RFWD3: variants seen among roughly 807,000 people sequenced by gnomAD.
The protein encoded by RFWD3 is ring finger and WD repeat domain 3.
In RFWD3, 65 loss-of-function variants were observed where a neutral mutation model predicts 87.7. The observed-to-expected ratio is 0.74, with a 90% CI of 0.61 to 0.91. The LOEUF is 0.91. Ranked by LOEUF, RFWD3 falls within the 40% of genes least tolerant of loss-of-function variation. The pLI is 0.00. For synonymous variants in RFWD3, 433 were observed against 352.8 expected, an observed-to-expected ratio of 1.23 and a Z score of -2.55; for missense variants, 1,078 against 938.5, an observed-to-expected ratio of 1.15 and a Z score of -1.94.
chr16:74,639,920 T>G (rs1177721196), intron 6 of RFWD3, among the ~76,000 whole-genome samples: 1 of 152,164 alleles, frequency 6.6e-6, no homozygotes, highest in African/African-American at 2.4e-5. Context: ...GAGAGAGAGA[T>G]GGAGACCACA....
intron 11 of RFWD3, among the ~76,000 whole-genome samples, chr16:74,626,840 T>G (rs917335082): frequency 6.6e-6 from 1 of 152,224 alleles, no homozygotes; most frequent in Non-Finnish European, 1.5e-5. Context: ...TCTGTTTTAG[T>G]AAAATCAGTC....
chr16:74,658,999 A>G (rs1431814560), intron 2 of RFWD3, among the ~76,000 whole-genome samples: 2 of 152,088 alleles, frequency 1.3e-5, no homozygotes, highest in Non-Finnish European at 2.9e-5. Context: ...GCCTAAAGGG[A>G]TCCGCCTGCC....
At chr16:74,653,399 T>A (rs1258494314) in intron 2 of RFWD3, among the ~76,000 whole-genome samples, 1 of 151,740 alleles carries the variant, frequency 6.6e-6, no homozygotes, top group Non-Finnish European at 1.5e-5. Flanking sequence ...GAGGATCACT[T>A]GAGCCCGAGA....
intron 4 of RFWD3, among the ~76,000 whole-genome samples, chr16:74,647,232 G>A (rs544283280): frequency 1.1e-4 from 16 of 152,184 alleles, no homozygotes; most frequent in African/African-American, 3.4e-4. Context: ...TTTGACATTG[G>A]AAGAATTCAC....
In RFWD3 at chr16:74,644,431, CT is replaced by C; in HGVS notation, c.1009del (p.Ser337ValfsTer11). On this transcript the variant is annotated frameshift_variant, in exon 6 of 13. Transcript: ENST00000361070. LOFTEE classifies it high-confidence loss of function. The stretch of plus-strand genomic sequence containing the variant: ...TCGGGCATAAAGGACGACAATGTCA[CT>C]GTGCCTGGCTTTCTTGTTGCACTAA... ...CPQCNKKARH[S>X]DIVVLYARTL... is the part of the protein sequence containing the mutation. The C allele has an allele frequency of 6.2e-7, 1 of 1,614,244 alleles. No individual in the cohort carries two copies. Among genetic ancestry groups the C allele is most frequent in the Non-Finnish European group, 8.5e-7 (1 of 1,180,044 alleles).
chr16:74,643,743 T>C (rs1686244760), intron 6 of RFWD3, among the ~76,000 whole-genome samples: 1 of 151,184 alleles, frequency 6.6e-6, no homozygotes, highest in African/African-American at 2.4e-5. Context: ...TGGTGCAATT[T>C]CGGCTCACTG....
rs1283740293 is a variant in RFWD3, at chr16:74,622,922, G to T, written c.*1006C>A. The T allele has an allele frequency of 2.0e-5, 3 of 152,198 alleles. No homozygotes were observed. The highest frequency in any genetic ancestry group is 2.9e-5 in the Non-Finnish European group (2 of 68,042). The allele number at this position is 152,198 out of a possible 1,614,324, so 9.4% of individuals were successfully genotyped here. A position where few individuals can be genotyped will look rare whatever the true frequency, so the allele number is the denominator to read the frequency against. ...GAACAGCCCCTCAGTCTGAGGAATT[G>T]GCTTTATTTAGATAGGAACTCTCAA... On this transcript the variant is annotated 3_prime_UTR_variant, in exon 13 of 13. Coordinates refer to ENST00000361070, the MANE Select transcript of RFWD3 (RefSeq NM_018124.4).
At chr16:74,648,748 C>A (rs1431643193) in intron 4 of RFWD3, among the ~76,000 whole-genome samples, 2 of 151,638 alleles carry the variant, frequency 1.3e-5, no homozygotes, top group African/African-American at 2.4e-5. Context: ...GCACTCCACC[C>A]TGGGCAACAG....
In RFWD3 at chr16:74,637,880, G is replaced by A. The variant is rs1363833552; in HGVS notation, c.1170C>T (p.Cys390=). 2 of 1,612,612 alleles carry A rather than the reference G, an allele frequency of 1.2e-6. No individual in the cohort carries two copies. Among genetic ancestry groups the A allele is most frequent in the South Asian group, 2.2e-5 (2 of 90,974 alleles). ...CCTGAACACGCCTTTGAAGCCTAGT[G>A]CACTTATCAGTGAGGACCTGCAGTT... ...RLQLQVLTDK[C]TRLQRRVQDL... is the part of the protein sequence containing the mutation. The change falls in exon 7 of 13, where the codon TGC becomes TGT. Residue 390 remains cysteine, a synonymous_variant. Transcript: ENST00000361070.
At chr16:74,638,768 A>C (rs1411866034) in intron 6 of RFWD3, among the ~76,000 whole-genome samples, 1 of 152,236 alleles carries the variant, frequency 6.6e-6, no homozygotes, top group Non-Finnish European at 1.5e-5. Context: ...CAACAATTTT[A>C]ACAGCAATCT....
intron 6 of RFWD3, 139 bp from the exon 7 acceptor site, chr16:74,638,109 G>A: frequency 3.7e-6 from 2 of 547,368 alleles, no homozygotes; most frequent in Admixed American, 6.0e-5. Flanking sequence ...AATATAAAAA[G>A]AGAAAAATCT....
intron 4 of RFWD3, among the ~76,000 whole-genome samples, chr16:74,646,300 C>A (rs990149543): frequency 6.6e-6 from 1 of 152,092 alleles, no homozygotes; most frequent in Non-Finnish European, 1.5e-5. Flanking sequence ...CACCTGAGCC[C>A]GGGATATTGA....
intron 12 of RFWD3, among the ~76,000 whole-genome samples, chr16:74,625,388 G>C (rs1399134318): frequency 3.3e-5 from 5 of 151,314 alleles, no homozygotes; most frequent in Non-Finnish European, 7.4e-5. Flanking sequence ...GGGTATGGTT[G>C]GTGTGCACCC....
intron 2 of RFWD3, among the ~76,000 whole-genome samples, chr16:74,653,137 G>A (rs546390028): frequency 6.6e-5 from 10 of 152,090 alleles, no homozygotes; most frequent in African/African-American, 2.2e-4. Flanking sequence ...CTAGGAGTTC[G>A]AGACCAGCCT....
At chr16:74,647,313 A>G (rs1960227118) in intron 4 of RFWD3, among the ~76,000 whole-genome samples, 1 of 151,750 alleles carries the variant, frequency 6.6e-6, no homozygotes, top group South Asian at 2.1e-4. Flanking sequence ...TTTGACATGG[A>G]GTCTTGGTCT....
chr16:74,639,042 T>C (rs1027357283), intron 6 of RFWD3, among the ~76,000 whole-genome samples: 3 of 150,714 alleles, frequency 2.0e-5, no homozygotes, highest in African/African-American at 7.3e-5. Flanking sequence ...AAGACTTTTT[T>C]TTTTTTTTTT....
At chr16:74,626,317 T>C (rs756505489) in intron 12 of RFWD3, 26 bp downstream of exon 12, 1 of 1,600,500 alleles carries the variant, frequency 6.2e-7, no homozygotes, top group East Asian at 2.2e-5. Flanking sequence ...ACTTTTTATA[T>C]GAAAGTAAAA....
rs56803461 is a variant in RFWD3 at position 74,643,669 on chromosome 16, G to GCTTTTTTTTTTTTTTTTTTTTTTTTTTT, written c.1079+692_1079+693insAAAAAAAAAAAAAAAAAAAAAAAAAAAG. On this transcript the variant is annotated intron_variant, in intron 6 of 12. Transcript: ENST00000361070. ...ATACTGAGTGGTGTTACTAGCAACT[G>GCTTTTTTTTTTTTTTTTTTTTTTTTTTT]TTTTTTTTTTTTTTTTTTTTTTTTG... Among the ~76,000 whole-genome samples, 7 of 105,054 alleles carry GCTTTTTTTTTTTTTTTTTTTTTTTTTTT rather than the reference G, an allele frequency of 6.7e-5. 3 individuals are homozygous for GCTTTTTTTTTTTTTTTTTTTTTTTTTTT. The highest frequency in any genetic ancestry group is 1.6e-4 in the African/African-American group (4 of 25,568). The allele number at this position is 105,054 out of a possible 152,430, so 68.9% of individuals were successfully genotyped here.
intron 3 of RFWD3, 95 bp from the exon 4 acceptor site, chr16:74,649,297 C>T (rs948624574): frequency 2.5e-6 from 2 of 794,382 alleles, no homozygotes; most frequent in Non-Finnish European, 4.0e-6. Context: ...TGACTCACTA[C>T]AGCTTCCCAT....
Sources: gnomAD v4.1 joint callset for allele counts (sites outside exome capture counted in the v4.1 genomes callset) on GRCh38, gnomAD v4.1.1 for gene constraint, MANE v1.5 for transcripts, NCBI Gene and HGNC (gene_info 2026-07-23, HGNC 2026-07-21) for gene names.